Variants in PAX5 observed in about 807,000 individuals in gnomAD.
PAX5 encodes paired box 5, also known as paired box protein Pax-5.
In PAX5, 9 loss-of-function variants were observed where a neutral mutation model predicts 43.7. The observed-to-expected ratio is 0.21, with a 90% CI of 0.12 to 0.36. PAX5 has a LOEUF of 0.36. Among genes scored for constraint, PAX5 ranks in the 10% least tolerant of loss-of-function variants. The pLI is 1.00. For synonymous variants in PAX5, 228 were observed against 214.3 expected (o/e 1.06, Z -0.56); for missense variants, 383 against 532.7 (o/e 0.72, Z 2.77).
At chr9:36,965,055 A>AC (rs1390748261) in intron 6 of PAX5, among the ~76,000 whole-genome samples, 2 of 148,862 alleles carry the variant, frequency 1.3e-5, no homozygotes, top group African/African-American at 2.5e-5. Context: ...CTTTCCCTCC[A>AC]CCCCCACACC....
intron 2 of PAX5, among the ~76,000 whole-genome samples, chr9:37,018,589 T>G (rs1356556706): frequency 2.9e-5 from 1 of 33,932 alleles, no homozygotes; most frequent in Admixed American, 3.3e-4. Context: ...AAAAAAAAAA[T>G]CTGTGGATTG....
chr9:36,995,721 G>A (rs768920013), intron 5 of PAX5, among the ~76,000 whole-genome samples: 4 of 152,126 alleles, frequency 2.6e-5, no homozygotes, highest in Non-Finnish European at 2.9e-5. Context: ...TGCGAATGAC[G>A]GAGCGGGGCG....
At chr9:36,904,870 A>G (rs372611926) in intron 7 of PAX5, among the ~76,000 whole-genome samples, 1 of 152,222 alleles carries the variant, frequency 6.6e-6, no homozygotes, top group African/African-American at 2.4e-5. Flanking sequence ...CTGAGTACAT[A>G]CTATATTCCA....
intron 9 of PAX5, among the ~76,000 whole-genome samples, chr9:36,843,123 C>T (rs1822234689): frequency 1.3e-5 from 2 of 150,980 alleles, no homozygotes; most frequent in Admixed American, 6.6e-5. Flanking sequence ...TGAGTGTGAG[C>T]GTGCGTCTGT....
At chr9:36,887,133 TA>T (rs1826968997) in intron 7 of PAX5, among the ~76,000 whole-genome samples, 1 of 152,218 alleles carries the variant, frequency 6.6e-6, no homozygotes, top group Non-Finnish European at 1.5e-5. Context: ...GATTTCTACT[TA>T]AATGCTATTA....
At chr9:36,958,070 G>T (rs1055275379) in intron 6 of PAX5, among the ~76,000 whole-genome samples, 8 of 152,162 alleles carry the variant, frequency 5.3e-5, no homozygotes, top group African/African-American at 1.9e-4. Flanking sequence ...TTTTTTCTTA[G>T]TTAAGTTGGG....
rs915955311 is a variant in PAX5 at position 36,835,415 on chromosome 9, C to T, written c.*5145G>A. ...ATCAGGGGAGCAGGCAGGCAAGGGG[C>T]TCACAGCCTGGCCTCTGCAGAGGCC... is the stretch of plus-strand genomic sequence containing the variant. On this transcript the variant is annotated 3_prime_UTR_variant, in exon 10 of 10. Transcript: ENST00000358127. 8.6e-6 allele frequency: 2 copies of T among 232,744 alleles called. No homozygotes were observed. The highest frequency in any genetic ancestry group is 5.6e-5 in the Admixed American group (1 of 17,758). The allele number at this position is 232,744 out of a possible 1,614,324, so 14.4% of individuals were successfully genotyped here.
chr9:36,934,089 G>T (rs1831353974), intron 6 of PAX5, among the ~76,000 whole-genome samples: 1 of 152,248 alleles, frequency 6.6e-6, no homozygotes, highest in African/African-American at 2.4e-5. Flanking sequence ...CAGCAACCAG[G>T]GGAGGCAGCG....
At chr9:37,005,330 T>C (rs1588204351) in intron 4 of PAX5, among the ~76,000 whole-genome samples, 1 of 152,256 alleles carries the variant, frequency 6.6e-6, no homozygotes, top group Non-Finnish European at 1.5e-5. Flanking sequence ...GCTTGGCCTC[T>C]GATGCCAAGG....
chr9:36,965,204 C>A (rs919435642), intron 6 of PAX5, among the ~76,000 whole-genome samples: 6 of 152,126 alleles, frequency 3.9e-5, no homozygotes, highest in African/African-American at 1.4e-4. Context: ...TAGCACCAAG[C>A]GCACCTGTAA....
At chr9:36,999,623 G>A (rs889911766) in intron 5 of PAX5, among the ~76,000 whole-genome samples, 1 of 152,150 alleles carries the variant, frequency 6.6e-6, no homozygotes, top group East Asian at 1.9e-4. Context: ...AATGGGCAAG[G>A]ACCCTCAGCT....
chr9:36,918,603 G>T (rs1829893689), intron 7 of PAX5, among the ~76,000 whole-genome samples: 1 of 152,164 alleles, frequency 6.6e-6, no homozygotes, highest in South Asian at 2.1e-4. Flanking sequence ...GTCAAGACCA[G>T]TGAGCCATGA....
At chr9:36,870,156 A>ATGGG (rs1460467418) in intron 8 of PAX5, among the ~76,000 whole-genome samples, 1 of 148,190 alleles carries the variant, frequency 6.7e-6, no homozygotes. Context: ...GGATGGATGG[A>ATGGG]TAAATGGATG....
intron 8 of PAX5, among the ~76,000 whole-genome samples, chr9:36,849,403 C>T (rs959284906): frequency 6.6e-6 from 1 of 152,238 alleles, no homozygotes; most frequent in African/African-American, 2.4e-5. Context: ...TAATCTGCCT[C>T]TTCCACTAGG....
At chr9:36,896,442 G>A (rs1164526901) in intron 7 of PAX5, among the ~76,000 whole-genome samples, 1 of 151,952 alleles carries the variant, frequency 6.6e-6, no homozygotes, top group African/African-American at 2.4e-5. Flanking sequence ...TGCACTGCTC[G>A]CCAAGGAAAA....
chr9:36,858,209 A>G (rs1298003825), intron 8 of PAX5, among the ~76,000 whole-genome samples: 3 of 152,262 alleles, frequency 2.0e-5, no homozygotes, highest in Non-Finnish European at 4.4e-5. Context: ...TACTTAGCTC[A>G]ATCCTTGGCA....
chr9:37,017,725 G>A (rs373750480), intron 2 of PAX5, among the ~76,000 whole-genome samples: 2 of 152,216 alleles, frequency 1.3e-5, no homozygotes, highest in African/African-American at 2.4e-5. Flanking sequence ...GCGGCAGCAC[G>A]CAGGGCTACC....
intron 7 of PAX5, among the ~76,000 whole-genome samples, chr9:36,919,454 T>C (rs1563966480): frequency 6.6e-6 from 1 of 152,222 alleles, no homozygotes; most frequent in Non-Finnish European, 1.5e-5. Context: ...TTTGTAAGGC[T>C]ATATCTGCCA....
At chr9:37,029,362 G>C (rs1319155786) in intron 1 of PAX5, among the ~76,000 whole-genome samples, 2 of 152,224 alleles carry the variant, frequency 1.3e-5, no homozygotes, top group Non-Finnish European at 2.9e-5. Context: ...CAGTAGACAA[G>C]TTTCCGGCGC....
Sources: gnomAD v4.1 joint callset for allele counts (sites outside exome capture counted in the v4.1 genomes callset) on GRCh38, gnomAD v4.1.1 for gene constraint, MANE v1.5 for transcripts, NCBI Gene and HGNC (gene_info 2026-07-23, HGNC 2026-07-21) for gene names.